The following ITGA9 variants were observed in gnomAD, a reference collection of about 807,000 sequenced individuals.
The protein encoded by ITGA9 is integrin alpha-9.
In ITGA9, 56 loss-of-function variants were observed where a neutral mutation model predicts 127.8. The observed-to-expected ratio is 0.44, with a 90% CI of 0.35 to 0.55. The LOEUF is 0.55. ITGA9 is among the 20% of genes least tolerant of loss of function. The pLI is 0.00. For synonymous variants in ITGA9, 508 were observed against 514.5 expected, an observed-to-expected ratio of 0.99 and a Z score of 0.17; for missense variants, 1,196 against 1,347.1, an observed-to-expected ratio of 0.89 and a Z score of 1.76.
intron 7 of ITGA9, 116 bp from the exon 8 acceptor site, chr3:37,508,443 A>G (rs1698867565): frequency 2.6e-6 from 2 of 775,752 alleles, no homozygotes; most frequent in Non-Finnish European, 4.3e-6. Context: ...TAGCATAAGC[A>G]CATCTGCTGT....
chr3:37,682,445 T>C (rs1395968149), intron 17 of ITGA9, among the ~76,000 whole-genome samples: 1 of 152,234 alleles, frequency 6.6e-6, no homozygotes, highest in Non-Finnish European at 1.5e-5. Flanking sequence ...CCTCTCTCGA[T>C]TTTCCTCTTC....
intron 14 of ITGA9, 71 bp from the exon 15 acceptor site, chr3:37,542,354 C>T: frequency 6.6e-7 from 1 of 1,523,368 alleles, no homozygotes; most frequent in South Asian, 1.1e-5. Context: ...GATCCTGTGA[C>T]AAGGAAAAGA....
intron 15 of ITGA9, among the ~76,000 whole-genome samples, chr3:37,555,516 AG>A (rs375736103): frequency 2.1e-4 from 32 of 152,344 alleles, no homozygotes; most frequent in African/African-American, 7.5e-4. Flanking sequence ...TGGACAGTGC[AG>A]ATATTGAAGT....
At chr3:37,527,672 T>C (rs1020503465) in intron 13 of ITGA9, among the ~76,000 whole-genome samples, 2 of 152,264 alleles carry the variant, frequency 1.3e-5, no homozygotes, top group African/African-American at 4.8e-5. Context: ...GGTGCTTTCA[T>C]GATGTCATCT....
chr3:37,671,087 G>C (rs1455565404), intron 17 of ITGA9, among the ~76,000 whole-genome samples: 1 of 152,250 alleles, frequency 6.6e-6, no homozygotes, highest in Non-Finnish European at 1.5e-5. Context: ...TGCACACCGG[G>C]GCTGTCTTAG....
At chr3:37,570,606 C>G (rs1253503162) in intron 15 of ITGA9, among the ~76,000 whole-genome samples, 1 of 152,174 alleles carries the variant, frequency 6.6e-6, no homozygotes, top group Non-Finnish European at 1.5e-5. Context: ...TGTACTTGAC[C>G]TGGGTGAGGA....
intron 18 of ITGA9, among the ~76,000 whole-genome samples, chr3:37,730,538 T>C (rs1208907190): frequency 6.6e-6 from 1 of 152,212 alleles, no homozygotes; most frequent in Non-Finnish European, 1.5e-5. Context: ...ACACTTGCCA[T>C]CACACAGCTA....
chr3:37,758,015 A>G (rs1696674602), intron 23 of ITGA9, among the ~76,000 whole-genome samples: 1 of 151,766 alleles, frequency 6.6e-6, no homozygotes, highest in Non-Finnish European at 1.5e-5. Flanking sequence ...AACAGATACA[A>G]AAGTTCTAAA....
At chr3:37,466,344 G>A (rs561363072) in intron 1 of ITGA9, among the ~76,000 whole-genome samples, 68 of 151,926 alleles carry the variant, frequency 4.5e-4, no homozygotes, top group Admixed American at 1.2e-3. Context: ...TTAGCGGGGC[G>A]TGGTGGCGTG....
chr3:37,756,995 C>A (rs1696660398), intron 23 of ITGA9, among the ~76,000 whole-genome samples: 1 of 149,228 alleles, frequency 6.7e-6, no homozygotes, highest in Non-Finnish European at 1.5e-5. Flanking sequence ...TTGTTCATAT[C>A]AAAACCAATG....
intron 18 of ITGA9, among the ~76,000 whole-genome samples, chr3:37,718,507 CTT>C (rs984770002): frequency 3.9e-5 from 6 of 152,174 alleles, no homozygotes; most frequent in African/African-American, 7.2e-5. Context: ...GTCTCAATCT[CTT>C]AACTTCAAAA....
Position 37,486,882 on chromosome 3 carries a change from T to TAA in ITGA9, c.544+5276_544+5277insAA, listed in dbSNP as rs577299990. Reference sequence around the variant, plus strand: ...GATTCCAAAGATTTCTGTACCACTCTATTATCAGGGAATGACTGGCTTTTA... The same window carrying TAA: ...GATTCCAAAGATTTCTGTACCACTCTAAATTATCAGGGAATGACTGGCTTTTA... On this transcript the variant is annotated intron_variant, in intron 4 of 27. Transcript: ENST00000264741. 3.0e-3 allele frequency among the ~76,000 whole-genome samples: 451 copies of TAA among 152,368 alleles called. 5 individuals carry two copies. The highest frequency in any genetic ancestry group is 0.01 in the African/African-American group (416 of 41,592).
Position 37,819,555 on chromosome 3 carries a change from A to G in ITGA9, c.*566A>G, listed in dbSNP as rs1469117455. The G allele has an allele frequency of 6.4e-6, 1 of 155,690 alleles. No individual in the cohort carries two copies. The allele number at this position is 155,690 out of a possible 1,614,324, so 9.6% of individuals were successfully genotyped here. A position where few individuals can be genotyped will look rare whatever the true frequency, so the allele number is the denominator to read the frequency against. ...CACCAGGCTGGCAGTGGTGCATATA[A>G]ACTGTGGGTGTGGCAAGACCCCGAA... is the stretch of plus-strand genomic sequence containing the variant. On this transcript the variant is annotated 3_prime_UTR_variant, in exon 28 of 28. Coordinates refer to ENST00000264741, the MANE Select transcript of ITGA9 (RefSeq NM_002207.3).
intron 15 of ITGA9, among the ~76,000 whole-genome samples, chr3:37,610,379 C>T (rs1700004987): frequency 6.6e-6 from 1 of 152,052 alleles, no homozygotes. Context: ...ATAAAACTTA[C>T]CAAAATAGAA....
intron 11 of ITGA9, among the ~76,000 whole-genome samples, chr3:37,521,695 C>T (rs1211564291): frequency 9.2e-5 from 14 of 152,348 alleles, no homozygotes; most frequent in South Asian, 8.3e-4. Context: ...CCCCTCGTCC[C>T]AGCCACAGCA....
chr3:37,614,804 C>T (rs1262672808), intron 15 of ITGA9, among the ~76,000 whole-genome samples: 2 of 152,076 alleles, frequency 1.3e-5, no homozygotes, highest in East Asian at 1.9e-4. Context: ...GTGATTTTTG[C>T]ACATTGATTT....
chr3:37,715,019 T>C (rs1312053008), intron 18 of ITGA9, among the ~76,000 whole-genome samples: 1 of 152,146 alleles, frequency 6.6e-6, no homozygotes, highest in East Asian at 1.9e-4. Flanking sequence ...TAATACTGGA[T>C]TGAGGATGAG....
chr3:37,598,751 T>TA (rs2125619375), intron 15 of ITGA9, among the ~76,000 whole-genome samples: 1 of 152,276 alleles, frequency 6.6e-6, no homozygotes, highest in Admixed American at 6.5e-5. Context: ...AGGTGGTTCA[T>TA]AATGGTGGGC....
At position 37,454,598 on chromosome 3, in the gene ITGA9, G is replaced by C. The variant is rs150606475; in HGVS notation, c.185+2039G>C. On this transcript the variant is annotated intron_variant, in intron 1 of 27. Coordinates refer to ENST00000264741, the MANE Select transcript of ITGA9 (RefSeq NM_002207.3). Reference sequence around the variant, plus strand: ...GCCCTCTCTTGTTCTGATACAAGCTGGCTACTCTTTGTATTGGAGTGCTTG... The same window carrying C: ...GCCCTCTCTTGTTCTGATACAAGCTCGCTACTCTTTGTATTGGAGTGCTTG... Among the ~76,000 whole-genome samples, 10 of 152,268 alleles carry C rather than the reference G, an allele frequency of 6.6e-5. No individual in the cohort carries two copies. The East Asian group carries it at 1.9e-3, about 29-fold the overall frequency.
Sources: gnomAD v4.1 joint callset for allele counts (sites outside exome capture counted in the v4.1 genomes callset) on GRCh38, gnomAD v4.1.1 for gene constraint, MANE v1.5 for transcripts, NCBI Gene and HGNC (gene_info 2026-07-23, HGNC 2026-07-21) for gene names.